Variants in ADGRL3 observed in about 807,000 individuals in gnomAD.
ADGRL3 encodes calcium-independent alpha-latrotoxin receptor 3.
A neutral mutation model predicts 153.5 loss-of-function variants in ADGRL3; 62 were observed. The observed-to-expected ratio is 0.40, with a 90% CI of 0.33 to 0.50. ADGRL3 has a LOEUF of 0.50. ADGRL3 is among the 20% of genes least tolerant of loss of function. The probability of loss-of-function intolerance (pLI) is 0.47; values close to 1 mark genes in which losing one functional copy is unlikely to be tolerated. For missense variants in ADGRL3, 1,641 were observed against 1,859.4 expected (o/e 0.88, Z 2.16); for synonymous variants, 710 against 672.5 (o/e 1.06, Z -0.86).
chr4:61,576,064 G>A (rs1309648993), intron 4 of ADGRL3, among the ~76,000 whole-genome samples: 2 of 151,944 alleles, frequency 1.3e-5, no homozygotes, highest in Non-Finnish European at 2.9e-5. Flanking sequence ...ATTTCTTTAT[G>A]TGGTTTTTGA....
intron 13 of ADGRL3, among the ~76,000 whole-genome samples, chr4:61,924,370 C>T (rs551560918): frequency 2.0e-5 from 3 of 152,292 alleles, no homozygotes; most frequent in African/African-American, 7.2e-5. Context: ...TATACATTCA[C>T]ACCCTTGGTG....
chr4:61,542,151 A>G (rs2098693311), intron 4 of ADGRL3, among the ~76,000 whole-genome samples: 1 of 152,204 alleles, frequency 6.6e-6, no homozygotes, highest in Non-Finnish European at 1.5e-5. Context: ...CTCTCATAAA[A>G]TGTTTAAGCT....
In ADGRL3 at chr4:61,287,008, G is replaced by A. The variant is rs533692932; in HGVS notation, c.-240+85243G>A. Among the ~76,000 whole-genome samples the A allele has an allele frequency of 7.2e-5, 11 of 151,780 alleles. No homozygotes were observed. In the East Asian group the frequency reaches 1.9e-3, roughly 27 times the overall value. On this transcript the variant is annotated intron_variant, in intron 1 of 26. Coordinates refer to ENST00000683033, the MANE Select transcript of ADGRL3 (RefSeq NM_001387552.1). The stretch of plus-strand genomic sequence containing the variant: ...ATCAGTTTATAAGAAAAACAAAACA[G>A]TATCCAGCTTTCACTGACTCATGTT...
At chr4:61,682,272 A>C (rs915305310) in intron 6 of ADGRL3, among the ~76,000 whole-genome samples, 12 of 151,816 alleles carry the variant, frequency 7.9e-5, no homozygotes, top group African/African-American at 2.9e-4. Context: ...AGCTATATAA[A>C]TTTTTTAGAA....
At chr4:62,018,099 C>T (rs919700012) in intron 21 of ADGRL3, among the ~76,000 whole-genome samples, 1 of 152,124 alleles carries the variant, frequency 6.6e-6, no homozygotes, top group African/African-American at 2.4e-5. Flanking sequence ...AGCAGTGCTG[C>T]AACATGTACT....
At chr4:61,800,567 G>T (rs998872022) in intron 8 of ADGRL3, among the ~76,000 whole-genome samples, 1 of 152,160 alleles carries the variant, frequency 6.6e-6, no homozygotes, top group Non-Finnish European at 1.5e-5. Flanking sequence ...CTCAGTGCAA[G>T]TGCTGTCTTA....
At chr4:61,496,214 C>CTT (rs34798930) in intron 2 of ADGRL3, among the ~76,000 whole-genome samples, 1 of 1,722 alleles carries the variant, frequency 5.8e-4, no homozygotes, top group Non-Finnish European at 0.018. Flanking sequence ...GAAAGTAAGA[C>CTT]ATATATTTAC....
intron 11 of ADGRL3, among the ~76,000 whole-genome samples, chr4:61,908,347 A>G (rs1393142189): frequency 6.6e-6 from 1 of 152,190 alleles, no homozygotes; most frequent in Non-Finnish European, 1.5e-5. Context: ...CTGTAATCCC[A>G]TCACTTTGGG....
chr4:62,054,653 T>C (rs950058777), intron 25 of ADGRL3, among the ~76,000 whole-genome samples: 5 of 151,462 alleles, frequency 3.3e-5, no homozygotes, highest in African/African-American at 1.2e-4. Context: ...ATAGATAAGA[T>C]CATTTTCTCA....
chr4:61,886,417 G>A (rs1452296740), intron 9 of ADGRL3, among the ~76,000 whole-genome samples: 2 of 152,098 alleles, frequency 1.3e-5, no homozygotes, highest in East Asian at 1.9e-4. Context: ...CACTTAAAGG[G>A]TGGGGAGAAG....
intron 9 of ADGRL3, among the ~76,000 whole-genome samples, chr4:61,869,936 T>TA (rs1190618911): frequency 0.02 from 213 of 10,500 alleles, 31 homozygotes; most frequent in African/African-American, 0.026. Flanking sequence ...AAAACTTTGT[T>TA]AAAAAAAAAA....
intron 1 of ADGRL3, among the ~76,000 whole-genome samples, chr4:61,291,873 A>G (rs991757201): frequency 2.1e-5 from 3 of 144,108 alleles, no homozygotes; most frequent in Non-Finnish European, 4.5e-5. Context: ...TGTTACATCT[A>G]GTATGCATTC....
intron 19 of ADGRL3, among the ~76,000 whole-genome samples, chr4:61,992,601 C>A (rs1221394020): frequency 2.6e-5 from 4 of 152,130 alleles, no homozygotes; most frequent in Non-Finnish European, 5.9e-5. Flanking sequence ...GAGAGTAAAG[C>A]CCCAGCAGCC....
chr4:61,425,590 C>T (rs2152374911), intron 2 of ADGRL3, among the ~76,000 whole-genome samples: 1 of 152,340 alleles, frequency 6.6e-6, no homozygotes, highest in African/African-American at 2.4e-5. Flanking sequence ...GCTAACCATT[C>T]ATTTCTGGTA....
chr4:61,364,615 A>G (rs2096361237), intron 1 of ADGRL3, among the ~76,000 whole-genome samples: 1 of 152,314 alleles, frequency 6.6e-6, no homozygotes, highest in South Asian at 2.1e-4. Flanking sequence ...TCTAGAAAAC[A>G]GCAGATTTAG....
chr4:62,038,126 T>C (rs1376737986), intron 24 of ADGRL3, among the ~76,000 whole-genome samples: 2 of 152,180 alleles, frequency 1.3e-5, no homozygotes, highest in African/African-American at 2.4e-5. Context: ...GAAAGGAATT[T>C]GCCGTTTCAC....
intron 6 of ADGRL3, among the ~76,000 whole-genome samples, chr4:61,726,210 G>GTTTTTTTTTTTTTTTTGTTTTGT (rs149472429): frequency 3.4e-5 from 4 of 118,528 alleles, no homozygotes; most frequent in African/African-American, 1.3e-4. Context: ...TTTTTTTTTT[G>GTTTTTTTTTTTTTTTTGTTTTGT]TTTTTTGAGA....
chr4:61,389,299 AG>A (rs1333159716), intron 2 of ADGRL3, among the ~76,000 whole-genome samples: 1 of 152,232 alleles, frequency 6.6e-6, no homozygotes, highest in Non-Finnish European at 1.5e-5. Context: ...ATTGCATTTG[AG>A]TAGTGAGAGA....
At chr4:61,368,549 C>T (rs1321179623) in intron 1 of ADGRL3, among the ~76,000 whole-genome samples, 1 of 151,658 alleles carries the variant, frequency 6.6e-6, no homozygotes, top group East Asian at 1.9e-4. Flanking sequence ...AGATATGCGG[C>T]GTTATTTCTG....
Sources: allele counts gnomAD v4.1 joint callset (sites outside exome capture counted in the v4.1 genomes callset), GRCh38; gene constraint gnomAD v4.1.1; transcripts MANE v1.5; gene names NCBI Gene and HGNC (gene_info 2026-07-23, HGNC 2026-07-21).